RFC2: variants seen among roughly 807,000 people sequenced by gnomAD.
RFC2 encodes the protein A1 40 kDa subunit.
A neutral mutation model predicts 44.8 loss-of-function variants in RFC2; 34 were observed. The ratio of observed to expected loss-of-function variants is 0.76; its 90% CI spans 0.58 to 1.01. The LOEUF (loss-of-function observed/expected upper bound fraction) is 1.01. RFC2 is among the 50% of genes least tolerant of loss of function. RFC2 has a pLI of 0.00. For synonymous variants in RFC2, 177 were observed against 168.9 expected (o/e 1.05, Z -0.37); for missense variants, 400 against 453.6 (o/e 0.88, Z 1.07).
intron 6 of RFC2, among the ~76,000 whole-genome samples, chr7:74,240,656 C>A (rs1298846803): frequency 6.6e-6 from 1 of 152,320 alleles, no homozygotes; most frequent in African/African-American, 2.4e-5. Context: ...AATGATCCTC[C>A]AGTAGAAACA....
intron 4 of RFC2, among the ~76,000 whole-genome samples, chr7:74,247,182 T>G (rs1370911300): frequency 2.0e-5 from 3 of 151,776 alleles, no homozygotes; most frequent in African/African-American, 7.3e-5. Flanking sequence ...GATACCATAT[T>G]ATCTTTCAAA....
intron 4 of RFC2, among the ~76,000 whole-genome samples, chr7:74,248,151 G>A (rs995602216): frequency 6.6e-6 from 1 of 151,944 alleles, no homozygotes; most frequent in African/African-American, 2.4e-5. Context: ...TAATGCTTGG[G>A]ACCAGAAATA....
intron 9 of RFC2, among the ~76,000 whole-genome samples, chr7:74,237,130 T>C (rs572002654): frequency 6.6e-6 from 1 of 152,014 alleles, no homozygotes; most frequent in East Asian, 1.9e-4. Flanking sequence ...TTTTTTTTTT[T>C]CCTGAGACAG....
At position 74,240,061 on chromosome 7, in the gene RFC2, G is replaced by A; in HGVS notation, c.570C>T (p.Tyr190=). ...GGATCTGGGCGTCGGTCAGCTTTGT[G>A]TACCGGAGGACTGCACAGCGGGACT... ...PIQSRCAVLR[Y]TKLTDAQILT... is the part of the protein sequence containing the mutation. Residue 190 remains tyrosine, a synonymous_variant, in exon 7 of 11, where the codon TAC becomes TAT. Transcript: ENST00000055077. 1.2e-6 allele frequency: 2 copies of A among 1,614,106 alleles called. No individual in the cohort carries two copies. Among genetic ancestry groups the A allele is most frequent in the Non-Finnish European group, 1.7e-6 (2 of 1,179,982 alleles).
intron 6 of RFC2, among the ~76,000 whole-genome samples, chr7:74,242,716 C>A (rs1554719423): frequency 2.7e-5 from 4 of 146,104 alleles, no homozygotes. Context: ...ACGTTTGAGA[C>A]CAGCCTGGCC....
At chr7:74,249,955 C>T in intron 2 of RFC2, 175 bp from the exon 3 acceptor site, 1 of 646,286 alleles carries the variant, frequency 1.5e-6, no homozygotes, top group Non-Finnish European at 2.9e-6. Flanking sequence ...GGCCTGAGGC[C>T]AGCCTGGGCA....
At chr7:74,244,261 C>T (rs1803484267) in intron 5 of RFC2, among the ~76,000 whole-genome samples, 1 of 151,346 alleles carries the variant, frequency 6.6e-6, no homozygotes, top group Admixed American at 6.6e-5. Context: ...GAGTGAGGCT[C>T]CACCTCAAAA....
intron 6 of RFC2, among the ~76,000 whole-genome samples, chr7:74,240,542 T>TAAACACAG (rs1803276608): frequency 6.8e-6 from 1 of 147,440 alleles, no homozygotes; most frequent in Non-Finnish European, 1.5e-5. Context: ...AGAGACTTGG[T>TAAACACAG]AAACACAGGG....
At chr7:74,235,010 G>A (rs1342173248) in intron 10 of RFC2, among the ~76,000 whole-genome samples, 1 of 152,106 alleles carries the variant, frequency 6.6e-6, no homozygotes, top group African/African-American at 2.4e-5. Flanking sequence ...CCAGGCCTGT[G>A]AGCAGAGAAA....
At chr7:74,253,409 T>C (rs1787084066) in intron 1 of RFC2, among the ~76,000 whole-genome samples, 1 of 151,794 alleles carries the variant, frequency 6.6e-6, no homozygotes, top group Admixed American at 6.6e-5. Flanking sequence ...GTGTGCCAAA[T>C]ACACAGCATA....
intron 4 of RFC2, among the ~76,000 whole-genome samples, chr7:74,248,402 G>C (rs1317584379): frequency 6.6e-6 from 1 of 151,916 alleles, no homozygotes; most frequent in Non-Finnish European, 1.5e-5. Context: ...GGCCAAGGCA[G>C]GAGGATTGCT....
intron 6 of RFC2, among the ~76,000 whole-genome samples, chr7:74,240,402 TAAGGC>T (rs1554719098): frequency 6.8e-6 from 1 of 148,038 alleles, no homozygotes; most frequent in African/African-American, 2.5e-5. Flanking sequence ...CTCAGGAGGC[TAAGGC>T]AAGAGACTCG....
chr7:74,245,982 G>T (rs1554719938), intron 5 of RFC2, among the ~76,000 whole-genome samples: 1 of 151,580 alleles, frequency 6.6e-6, no homozygotes, highest in East Asian at 2.0e-4. Flanking sequence ...GGATCACGAG[G>T]TCAGGAGATT....
chr7:74,249,792 A>G lies in RFC2; in HGVS notation c.184-12T>C, dbSNP rs1295213531. The G allele has an allele frequency of 1.2e-6, 2 of 1,612,306 alleles. No individual in the cohort carries two copies. Among genetic ancestry groups the G allele is most frequent in the African/African-American group, 2.7e-5 (2 of 74,962 alleles). On this transcript the variant is annotated splice_polypyrimidine_tract_variant and intron_variant, in intron 2 of 10. Transcript: ENST00000055077. ...TCCCTTGCAAAGACCTACGGCGAAA[A>G]TGATCATTAAAACCGGTTAAAACTT...
In RFC2 at chr7:74,242,949, G is replaced by A. The variant is rs55887849; in HGVS notation, c.535+197C>T. 6.2e-3 allele frequency among the ~76,000 whole-genome samples: 940 copies of A among 151,774 alleles called. 10 individuals are homozygous for A. Among genetic ancestry groups the A allele is most frequent in the African/African-American group, 0.022 (895 of 41,388 alleles). ...AAAAAAAAAAAAAAATCCAGGTGTG[G>A]TGGCACAGGCCTGTAGTCTCAGCTA... On this transcript the variant is annotated intron_variant, in intron 6 of 10. Transcript: ENST00000055077.
chr7:74,254,071 C>A (rs1333226325), intron 1 of RFC2, among the ~76,000 whole-genome samples, 200 bp downstream of exon 1: 1 of 152,116 alleles, frequency 6.6e-6, no homozygotes, highest in Non-Finnish European at 1.5e-5. Flanking sequence ...GAGCGAGACT[C>A]CGCTCGCAGA....
intron 10 of RFC2, chr7:74,233,899 T>A (rs74387744): frequency 8.8e-6 from 4 of 456,516 alleles, no homozygotes; most frequent in Non-Finnish European, 1.8e-5. Flanking sequence ...CAGTTCCTTA[T>A]CGAGTAAAAC....
rs1554719036 is a variant in RFC2 at position 74,240,079 on chromosome 7, G to T, written c.552C>A (p.Arg184=). Reference sequence around the variant, plus strand: ...GCTTTGTGTACCGGAGGACTGCACAGCGGGACTGAATGGGCTCTGAACAGA... The same window carrying T: ...GCTTTGTGTACCGGAGGACTGCACATCGGGACTGAATGGGCTCTGAACAGA... ...SDKIIEPIQS[R]CAVLRYTKLT... The change falls in exon 7 of 11, where the codon CGC becomes CGA. Residue 184 remains arginine (R), a synonymous_variant. Coordinates refer to ENST00000055077, the MANE Select transcript of RFC2 (RefSeq NM_181471.3). 1 of 1,613,864 alleles carries T rather than the reference G, an allele frequency of 6.2e-7. No homozygotes were observed. Among genetic ancestry groups the T allele is most frequent in the Non-Finnish European group, 8.5e-7 (1 of 1,179,922 alleles).
intron 1 of RFC2, among the ~76,000 whole-genome samples, chr7:74,253,234 TTTG>T: frequency 6.7e-6 from 1 of 148,986 alleles, no homozygotes; most frequent in African/African-American, 2.6e-5. Flanking sequence ...TTTTTTTTTT[TTTG>T]GAGACAGAGT....
Sources: gnomAD v4.1 joint callset for allele counts (sites outside exome capture counted in the v4.1 genomes callset) on GRCh38, gnomAD v4.1.1 for gene constraint, MANE v1.5 for transcripts, NCBI Gene and HGNC (gene_info 2026-07-23, HGNC 2026-07-21) for gene names.